Variants in PTPRD observed in about 807,000 individuals in gnomAD.
PTPRD encodes receptor-type tyrosine-protein phosphatase delta.
PTPRD carries 34 observed loss-of-function variants against 214.5 expected under a neutral mutation model. The observed-to-expected ratio is 0.16, with a 90% confidence interval of 0.12 to 0.21. The LOEUF is 0.21. Among genes scored for constraint, PTPRD ranks in the 10% least tolerant of loss-of-function variants. The pLI, the probability that PTPRD is intolerant of heterozygous loss-of-function variation, is 1.00. For missense variants in PTPRD, 2,545 were observed against 2,398.7 expected (o/e 1.06, Z -1.27); for synonymous variants, 1,128 against 845.7 (o/e 1.33, Z -5.79).
chr9:9,439,193 GAT>G (rs2144177998), intron 8 of PTPRD, among the ~76,000 whole-genome samples: 1 of 93,470 alleles, frequency 1.1e-5, no homozygotes, highest in South Asian at 3.8e-4. Context: ...TAATACATTA[GAT>G]TTTTTTTTAA....
At chr9:9,399,545 T>C (rs959564610) in intron 8 of PTPRD, among the ~76,000 whole-genome samples, 1 of 152,074 alleles carries the variant, frequency 6.6e-6, no homozygotes, top group African/African-American at 2.4e-5. Context: ...TGTTCTGATA[T>C]GGCTTGGCTG....
chr9:9,920,648 A>C (rs1658770835), intron 5 of PTPRD, among the ~76,000 whole-genome samples: 1 of 152,136 alleles, frequency 6.6e-6, no homozygotes, highest in South Asian at 2.1e-4. Context: ...CCAATTGCTC[A>C]CTGCTCAGGT....
At chr9:9,372,725 T>C (rs1239755068) in intron 9 of PTPRD, among the ~76,000 whole-genome samples, 1 of 152,202 alleles carries the variant, frequency 6.6e-6, no homozygotes. Context: ...CTTTACAATT[T>C]GGCATGTTTT....
At chr9:8,592,963 C>A (rs780153867) in intron 14 of PTPRD, among the ~76,000 whole-genome samples, 1 of 152,128 alleles carries the variant, frequency 6.6e-6, no homozygotes, top group Non-Finnish European at 1.5e-5. Flanking sequence ...CAATTTCCAA[C>A]AGACATAAAT....
chr9:9,945,590 C>T (rs945851897), intron 4 of PTPRD, among the ~76,000 whole-genome samples: 10 of 152,098 alleles, frequency 6.6e-5, no homozygotes, highest in Non-Finnish European at 1.3e-4. Flanking sequence ...AAGAATTGCA[C>T]ATTGCACATG....
intron 2 of PTPRD, among the ~76,000 whole-genome samples, chr9:10,362,605 G>A (rs533838853): frequency 1.3e-5 from 2 of 152,024 alleles, no homozygotes; most frequent in South Asian, 2.1e-4. Flanking sequence ...TTGTCAGCCC[G>A]GCGTGGTGGC....
chr9:10,494,458 G>C, intron 2 of PTPRD, among the ~76,000 whole-genome samples: 1 of 151,518 alleles, frequency 6.6e-6, no homozygotes, highest in Non-Finnish European at 1.5e-5. Context: ...TTGTTCTTTG[G>C]AATTATGCCT....
chr9:8,488,122 T>C (rs1215599652), intron 27 of PTPRD, among the ~76,000 whole-genome samples: 1 of 152,046 alleles, frequency 6.6e-6, no homozygotes, highest in African/African-American at 2.4e-5. Context: ...CATGGGGATA[T>C]AGATGAAGGT....
chr9:10,017,152 T>C (rs541066636), intron 4 of PTPRD, among the ~76,000 whole-genome samples: 1 of 152,312 alleles, frequency 6.6e-6, no homozygotes, highest in East Asian at 1.9e-4. Flanking sequence ...ATGCCCAATG[T>C]TTTTAGTTTT....
At chr9:9,599,052 G>T (rs1037567639) in intron 7 of PTPRD, among the ~76,000 whole-genome samples, 7 of 151,894 alleles carry the variant, frequency 4.6e-5, no homozygotes, top group African/African-American at 1.2e-4. Context: ...AAATGTTTTT[G>T]CCCAGAGATT....
chr9:9,718,759 T>C (rs746760044), intron 7 of PTPRD, among the ~76,000 whole-genome samples: 17 of 152,216 alleles, frequency 1.1e-4, no homozygotes, highest in Admixed American at 1.3e-4. Context: ...TCCCCTGCTG[T>C]CTTGGCCCCC....
intron 6 of PTPRD, among the ~76,000 whole-genome samples, chr9:9,742,574 T>C (rs1265856069): frequency 6.6e-6 from 1 of 152,138 alleles, no homozygotes; most frequent in Non-Finnish European, 1.5e-5. Flanking sequence ...AGCTCTTGTT[T>C]AGGAACATGT....
intron 5 of PTPRD, among the ~76,000 whole-genome samples, chr9:9,822,963 T>G (rs1227730624): frequency 6.6e-6 from 1 of 152,102 alleles, no homozygotes; most frequent in Admixed American, 6.6e-5. Flanking sequence ...ATCCCACCAT[T>G]GCATTCTTAT....
At chr9:9,788,931 C>T (rs1364511673) in intron 5 of PTPRD, among the ~76,000 whole-genome samples, 1 of 152,064 alleles carries the variant, frequency 6.6e-6, no homozygotes, top group East Asian at 1.9e-4. Flanking sequence ...CTTTAGTTAT[C>T]GCTTTACTCA....
intron 12 of PTPRD, among the ~76,000 whole-genome samples, chr9:8,693,404 G>T (rs544413661): frequency 6.6e-6 from 1 of 152,162 alleles, no homozygotes; most frequent in African/African-American, 2.4e-5. Flanking sequence ...GGATATCAGA[G>T]AAAACATGGA....
intron 11 of PTPRD, among the ~76,000 whole-genome samples, chr9:8,845,383 G>C (rs576369902): frequency 6.6e-6 from 1 of 152,288 alleles, no homozygotes; most frequent in South Asian, 2.1e-4. Context: ...TTAAATATTA[G>C]CTCTTGGTTG....
At chr9:10,176,363 T>C (rs1371299115) in intron 3 of PTPRD, among the ~76,000 whole-genome samples, 1 of 151,714 alleles carries the variant, frequency 6.6e-6, no homozygotes, top group African/African-American at 2.4e-5. Flanking sequence ...AAACAGAAAA[T>C]TCTAGGCAGT....
Position 10,137,718 on chromosome 9 carries a change from A to G in PTPRD, c.-544-103928T>C, listed in dbSNP as rs867308258. Among the ~76,000 whole-genome samples the G allele has an allele frequency of 1.9e-4, 28 of 151,232 alleles. 7 individuals carry two copies. The highest frequency in any genetic ancestry group is 1.5e-3 in the South Asian group (7 of 4,794). On this transcript the variant is annotated intron_variant, in intron 3 of 45. Coordinates refer to ENST00000381196, the MANE Select transcript of PTPRD (RefSeq NM_002839.4). ...GAGTATAATAAAAAAAAAAAAAAAA[A>G]AAAGAAATCATAACCAAGAATATCT...
intron 2 of PTPRD, among the ~76,000 whole-genome samples, chr9:10,546,955 T>G (rs1590598655): frequency 6.6e-6 from 1 of 151,240 alleles, no homozygotes. Flanking sequence ...CAGGTAAGAG[T>G]TTTTTAATCG....
Sources: gnomAD v4.1 joint callset for allele counts (sites outside exome capture counted in the v4.1 genomes callset) on GRCh38, gnomAD v4.1.1 for gene constraint, MANE v1.5 for transcripts, NCBI Gene and HGNC (gene_info 2026-07-23, HGNC 2026-07-21) for gene names.